GNB4: variants seen among roughly 807,000 people sequenced by gnomAD.
GNB4 encodes G protein subunit beta 4.
In GNB4, 28 loss-of-function variants were observed where a neutral mutation model predicts 45.2. That is an observed-to-expected ratio of 0.62 (90% CI 0.46 to 0.85). The LOEUF is 0.85. GNB4 is among the 40% of genes least tolerant of loss of function. The probability of loss-of-function intolerance (pLI) is 0.00; values close to 1 mark genes in which losing one functional copy is unlikely to be tolerated. For missense variants in GNB4, 321 were observed against 425.4 expected (o/e 0.75, Z 2.16); for synonymous variants, 132 against 143.7 (o/e 0.92, Z 0.58).
chr3:179,483,530 A>G, the GNB4 span, among the ~76,000 whole-genome samples: 4 of 152,180 alleles, frequency 2.6e-5, no homozygotes, highest in African/African-American at 9.6e-5. Context: ...CTTAAAAGAA[A>G]GAAAGAAAGA....
chr3:179,527,385 A>G, the GNB4 span, among the ~76,000 whole-genome samples: 2 of 152,370 alleles, frequency 1.3e-5, no homozygotes, highest in Admixed American at 1.3e-4. Flanking sequence ...TGAATGGAGC[A>G]ACACAAAAGT....
At chr3:179,520,412 G>C in the GNB4 span, among the ~76,000 whole-genome samples, 1 of 151,554 alleles carries the variant, frequency 6.6e-6, no homozygotes, top group South Asian at 2.1e-4. Context: ...AGTGCAGTCA[G>C]AATTCTTACA....
At chr3:179,429,036 G>A (rs953034538) in intron 1 of GNB4, among the ~76,000 whole-genome samples, 12 of 152,218 alleles carry the variant, frequency 7.9e-5, no homozygotes, top group South Asian at 2.1e-4. Flanking sequence ...ATGGGGCACC[G>A]ATGGGATGAC....
chr3:179,498,693 A>C, the GNB4 span, among the ~76,000 whole-genome samples: 3 of 151,236 alleles, frequency 2.0e-5, no homozygotes, highest in Admixed American at 1.3e-4. Context: ...TTGGCCTCCC[A>C]AAATGCTGGG....
At chr3:179,478,713 T>C in the GNB4 span, among the ~76,000 whole-genome samples, 6 of 152,062 alleles carry the variant, frequency 3.9e-5, no homozygotes, top group African/African-American at 1.2e-4. Flanking sequence ...CCCACTGATA[T>C]GGTTTGGATC....
intron 1 of GNB4, among the ~76,000 whole-genome samples, chr3:179,429,074 G>A (rs1467417117): frequency 6.6e-6 from 1 of 152,190 alleles, no homozygotes. Flanking sequence ...CCAGACCCGG[G>A]CCCTTCCTGC....
intron 9 of GNB4, among the ~76,000 whole-genome samples, chr3:179,403,590 C>T (rs1450357771): frequency 1.3e-5 from 2 of 152,026 alleles, no homozygotes; most frequent in Non-Finnish European, 2.9e-5. Context: ...GTCAGGAGTT[C>T]GAGACCAGCC....
At chr3:179,453,350 G>C (rs892068947), upstream of GNB4, among the ~76,000 whole-genome samples, 3 of 152,170 alleles carry the variant, frequency 2.0e-5, no homozygotes, top group African/African-American at 7.2e-5. Flanking sequence ...TCAATCTGCT[G>C]ACCTCAGGTG....
chr3:179,452,091 C>T (rs1715896921), upstream of GNB4, among the ~76,000 whole-genome samples: 1 of 152,128 alleles, frequency 6.6e-6, no homozygotes, highest in South Asian at 2.1e-4. Context: ...AGCCTGCCTC[C>T]AAATAAATGG....
chr3:179,477,128 T>C, the GNB4 span, among the ~76,000 whole-genome samples: 1 of 152,174 alleles, frequency 6.6e-6, no homozygotes, highest in African/African-American at 2.4e-5. Context: ...ACTGTCTTAA[T>C]GATCCCTTCT....
chr3:179,490,638 A>G, the GNB4 span, among the ~76,000 whole-genome samples: 1 of 152,206 alleles, frequency 6.6e-6, no homozygotes, highest in Non-Finnish European at 1.5e-5. Flanking sequence ...TGAATTTCTG[A>G]TGTCCAAAGA....
intron 9 of GNB4, among the ~76,000 whole-genome samples, chr3:179,401,757 G>GT (rs1714310492): frequency 6.6e-6 from 1 of 152,136 alleles, no homozygotes; most frequent in South Asian, 2.1e-4. Flanking sequence ...CGACAAAAAC[G>GT]TAAGAACAAA....
intron 8 of GNB4, among the ~76,000 whole-genome samples, chr3:179,411,972 CTTCTT>C (rs1337869018): frequency 6.6e-6 from 1 of 152,142 alleles, no homozygotes; most frequent in African/African-American, 2.4e-5. Context: ...AGTATCCTAC[CTTCTT>C]TTAACACCCC....
the GNB4 span, among the ~76,000 whole-genome samples, chr3:179,520,741 C>T: frequency 6.6e-6 from 1 of 152,176 alleles, no homozygotes; most frequent in Admixed American, 6.5e-5. Flanking sequence ...TGATACCACA[C>T]CTGACCCCCA....
chr3:179,403,254 C>T (rs1714358272), intron 9 of GNB4, among the ~76,000 whole-genome samples: 1 of 150,902 alleles, frequency 6.6e-6, no homozygotes, highest in African/African-American at 2.4e-5. Context: ...AGAATTAACA[C>T]TTTTAAGGAA....
At chr3:179,516,529 T>G in the GNB4 span, among the ~76,000 whole-genome samples, 1 of 152,090 alleles carries the variant, frequency 6.6e-6, no homozygotes, top group Non-Finnish European at 1.5e-5. Context: ...GGAGGGGGCC[T>G]GAACAATCCC....
intron 1 of GNB4, among the ~76,000 whole-genome samples, chr3:179,436,406 G>GAAATA (rs888779536): frequency 2.6e-5 from 4 of 151,892 alleles, no homozygotes; most frequent in African/African-American, 4.8e-5. Context: ...AAAATAAAAT[G>GAAATA]AAATAAAATA....
chr3:179,400,989 A>G lies in GNB4; in HGVS notation c.*224T>C, dbSNP rs535277592. 2.7e-4 allele frequency: 118 copies of G among 430,406 alleles called. 2 individuals are homozygous for G. The South Asian group carries it at 5.3e-3, about 19-fold the overall frequency. 26.7% of individuals were successfully genotyped at this position (430,406 alleles called of 1,614,324 possible). ...AATTCACCAAGGTTAAAATAACCCA[A>G]CCCCTCAAATTAATACACTGGTCCT... On this transcript the variant is annotated 3_prime_UTR_variant, in exon 10 of 10. Transcript: ENST00000232564.
the GNB4 span, among the ~76,000 whole-genome samples, chr3:179,475,353 T>G: frequency 6.6e-6 from 1 of 151,756 alleles, no homozygotes; most frequent in African/African-American, 2.4e-5. Context: ...TCTCCTGACC[T>G]TGTGATCTGC....
Sources: allele counts gnomAD v4.1 joint callset (sites outside exome capture counted in the v4.1 genomes callset), GRCh38; gene constraint gnomAD v4.1.1; transcripts MANE v1.5; gene names NCBI Gene and HGNC (gene_info 2026-07-23, HGNC 2026-07-21).